The following HRH1 variants were observed in gnomAD, a reference collection of about 807,000 sequenced individuals.
HRH1 encodes histamine H1 receptor.
Under a neutral mutation model 10.3 loss-of-function variants are expected in HRH1, and 6 were observed. The observed-to-expected ratio is 0.58, with a 90% CI of 0.32 to 1.15. The LOEUF (loss-of-function observed/expected upper bound fraction) is 1.15. Ranked by LOEUF, HRH1 falls within the 50% of genes most tolerant of loss-of-function variation. The pLI is 0.05. For synonymous variants in HRH1, 242 were observed against 236.7 expected (o/e 1.02, Z -0.21); for missense variants, 514 against 615.3 (o/e 0.84, Z 1.74).
chr3:11,215,332 C>G (rs1159477020), intron 1 of HRH1, among the ~76,000 whole-genome samples: 1 of 152,222 alleles, frequency 6.6e-6, no homozygotes, highest in Non-Finnish European at 1.5e-5. Flanking sequence ...TTGGAAACAA[C>G]TAACTTGGGA....
intron 1 of HRH1, among the ~76,000 whole-genome samples, chr3:11,179,186 G>T (rs558000920): frequency 4.9e-4 from 75 of 152,260 alleles, no homozygotes; most frequent in African/African-American, 1.5e-3. Context: ...TACTTGGGAG[G>T]CCGAGGCAGG....
At chr3:11,250,306 G>A (rs1373468036) in intron 1 of HRH1, among the ~76,000 whole-genome samples, 1 of 148,884 alleles carries the variant, frequency 6.7e-6, no homozygotes, top group Non-Finnish European at 1.5e-5. Flanking sequence ...TGATCCGTCC[G>A]TCTCGGCCTC....
intron 1 of HRH1, among the ~76,000 whole-genome samples, chr3:11,140,053 A>G (rs1239531289): frequency 1.3e-5 from 2 of 152,224 alleles, no homozygotes; most frequent in African/African-American, 4.8e-5. Flanking sequence ...GGGCAGGTGC[A>G]GCCTTGCAGG....
chr3:11,237,664 C>CTTTTT (rs376450222), intron 1 of HRH1, among the ~76,000 whole-genome samples: 7 of 83,102 alleles, frequency 8.4e-5, no homozygotes, highest in Non-Finnish European at 1.3e-4. Flanking sequence ...TTTTCTTTTC[C>CTTTTT]TTTTTTTTTT....
At chr3:11,169,776 A>G (rs573146672) in intron 1 of HRH1, among the ~76,000 whole-genome samples, 5 of 152,304 alleles carry the variant, frequency 3.3e-5, no homozygotes, top group East Asian at 3.9e-4. Context: ...TTTGTGATTC[A>G]ATATCCACGT....
At chr3:11,139,879 T>C (rs1936258557) in intron 1 of HRH1, among the ~76,000 whole-genome samples, 1 of 152,196 alleles carries the variant, frequency 6.6e-6, no homozygotes, top group South Asian at 2.1e-4. Context: ...GATGGAAATG[T>C]TCCGAAAACT....
At chr3:11,245,536 G>A (rs1163224529) in intron 1 of HRH1, among the ~76,000 whole-genome samples, 3 of 152,170 alleles carry the variant, frequency 2.0e-5, no homozygotes, top group South Asian at 2.1e-4. Flanking sequence ...TGATGTGTGA[G>A]AAGCTTGGCT....
chr3:11,259,754 G>C lies in HRH1; in HGVS notation c.717G>C (p.Leu239=). 1.9e-6 allele frequency: 3 copies of C among 1,614,036 alleles called. No homozygotes were observed. Among genetic ancestry groups the C allele is most frequent in the Non-Finnish European group, 1.7e-6 (2 of 1,180,020 alleles). The change falls in exon 2 of 2, where the codon CTG becomes CTC. Residue 239 remains leucine (L), a synonymous_variant. Transcript: ENST00000431010. The surrounding 1 kb of genome is among the most constrained non-coding windows in gnomAD (Gnocchi z 4.6). The stretch of plus-strand genomic sequence containing the variant: ...TCCCTTCCTTCTCAGAAATTAAGCT[G>C]AGGCCAGAGAACCCCAAGGGGGATG... ...RSLPSFSEIK[L]RPENPKGDAK... is the part of the protein sequence containing the mutation.
At chr3:11,149,216 G>T (rs748999) in intron 1 of HRH1, among the ~76,000 whole-genome samples, 34,921 of 151,954 alleles carry the variant, frequency 0.23, 5,034 homozygotes, top group African/African-American at 0.4. Context: ...TATATAAAAG[G>T]TGCAATCTAT....
intron 1 of HRH1, among the ~76,000 whole-genome samples, chr3:11,231,725 T>C: frequency 6.6e-6 from 1 of 152,250 alleles, no homozygotes; most frequent in South Asian, 2.1e-4. Context: ...TCTTTATATA[T>C]TCTGAATAGT....
chr3:11,163,710 C>T (rs1372217490), intron 1 of HRH1, among the ~76,000 whole-genome samples: 1 of 152,182 alleles, frequency 6.6e-6, no homozygotes, highest in African/African-American at 2.4e-5. Context: ...CATATAAGTA[C>T]ATGTGAACAC....
At chr3:11,204,347 TGG>T (rs1407027168) in intron 1 of HRH1, among the ~76,000 whole-genome samples, 1 of 152,192 alleles carries the variant, frequency 6.6e-6, no homozygotes. Context: ...GAGTTTATTC[TGG>T]GGCTAGGGAA....
intron 1 of HRH1, chr3:11,234,204 C>T: frequency 2.5e-6 from 3 of 1,216,286 alleles, no homozygotes; most frequent in East Asian, 2.4e-5. Flanking sequence ...AGGTCTTTTG[C>T]AAAAGGTCCA....
intron 1 of HRH1, among the ~76,000 whole-genome samples, chr3:11,221,252 T>C (rs1039865607): frequency 1.3e-5 from 2 of 152,082 alleles, no homozygotes; most frequent in Non-Finnish European, 2.9e-5. Context: ...TTAATTGTGG[T>C]AAAATATCTG....
chr3:11,201,165 A>G (rs1052467327), intron 1 of HRH1, among the ~76,000 whole-genome samples: 4 of 152,330 alleles, frequency 2.6e-5, no homozygotes, highest in African/African-American at 9.6e-5. Context: ...GAAACATGCC[A>G]TCTTTCTCAG....
chr3:11,190,371 TAATTAA>T (rs1937515710), intron 1 of HRH1, among the ~76,000 whole-genome samples: 1 of 149,006 alleles, frequency 6.7e-6, no homozygotes, highest in Admixed American at 6.7e-5. Flanking sequence ...ATATATTTTT[TAATTAA>T]TTAATTTATT....
intron 1 of HRH1, among the ~76,000 whole-genome samples, chr3:11,182,273 C>T (rs1454239954): frequency 1.3e-5 from 2 of 152,184 alleles, no homozygotes; most frequent in East Asian, 1.9e-4. Context: ...TGAGCCACCG[C>T]GCCCGGCCCG....
chr3:11,163,565 T>A (rs1291545455), intron 1 of HRH1, among the ~76,000 whole-genome samples: 1 of 152,136 alleles, frequency 6.6e-6, no homozygotes, highest in Non-Finnish European at 1.5e-5. Flanking sequence ...AGCTTCCTCA[T>A]CTGTGAAATG....
intron 1 of HRH1, among the ~76,000 whole-genome samples, chr3:11,215,268 TG>T (rs1938450062): frequency 1.3e-5 from 2 of 152,240 alleles, no homozygotes; most frequent in Non-Finnish European, 2.9e-5. Flanking sequence ...TTCACCTTAT[TG>T]TGTCATGTGT....
Sources: gnomAD v4.1 joint callset for allele counts (sites outside exome capture counted in the v4.1 genomes callset) on GRCh38, gnomAD v4.1.1 for gene constraint, Gnocchi (gnomAD v3.1) non-coding constraint, MANE v1.5 for transcripts, NCBI Gene and HGNC (gene_info 2026-07-23, HGNC 2026-07-21) for gene names.